Variants in DNAJC12 observed in about 807,000 individuals in gnomAD.
DNAJC12 encodes the protein DnaJ heat shock protein family (Hsp40) member C12, also known as dnaJ homolog subfamily C member 12.
Under a neutral mutation model 28.5 loss-of-function variants are expected in DNAJC12, and 25 were observed. The ratio of observed to expected loss-of-function variants is 0.88; its 90% CI spans 0.64 to 1.22. The LOEUF is 1.22. DNAJC12 is among the 50% of genes most tolerant of loss of function. DNAJC12 has a pLI of 0.00. For synonymous variants in DNAJC12, 77 were observed against 80.6 expected, an observed-to-expected ratio of 0.95 and a Z score of 0.24; for missense variants, 222 against 231.7, an observed-to-expected ratio of 0.96 and a Z score of 0.27.
chr10:67,835,717 GACACACACAC>G (rs34238470), intron 1 of DNAJC12, among the ~76,000 whole-genome samples: 5 of 118,952 alleles, frequency 4.2e-5, no homozygotes, highest in South Asian at 2.7e-4. Context: ...GAGAAAAAAT[GACACACACAC>G]ACACACACAC....
At chr10:67,831,538 G>A (rs1472055769) in intron 1 of DNAJC12, among the ~76,000 whole-genome samples, 2 of 152,038 alleles carry the variant, frequency 1.3e-5, no homozygotes, top group Non-Finnish European at 2.9e-5. Flanking sequence ...CAAATGCCCT[G>A]TCTCTCCCAC....
chr10:67,797,469 G>T (rs545870164), intron 4 of DNAJC12, among the ~76,000 whole-genome samples: 2 of 152,250 alleles, frequency 1.3e-5, no homozygotes, highest in African/African-American at 2.4e-5. Flanking sequence ...AGATGCCTCT[G>T]GTGGTGGGGA....
intron 1 of DNAJC12, among the ~76,000 whole-genome samples, chr10:67,826,754 T>G (rs181427197): frequency 0.58 from 49,857 of 85,472 alleles, 17,938 homozygotes; most frequent in Non-Finnish European, 0.78. Context: ...TATATCATTA[T>G]ATATCTGATA....
chr10:67,810,279 C>A (rs975426252), intron 3 of DNAJC12, among the ~76,000 whole-genome samples: 4 of 152,276 alleles, frequency 2.6e-5, no homozygotes, highest in African/African-American at 9.6e-5. Flanking sequence ...CCCATCAGGA[C>A]CCTCATCCAA....
intron 3 of DNAJC12, 72 bp from the exon 4 acceptor site, chr10:67,805,859 A>T (rs1445758113): frequency 1.6e-6 from 2 of 1,240,684 alleles, no homozygotes; most frequent in African/African-American, 3.1e-5. Flanking sequence ...AAAGTTTGAT[A>T]TGTGGTAACA....
At chr10:67,826,141 CTT>C (rs11341698) in intron 1 of DNAJC12, among the ~76,000 whole-genome samples, 11 of 143,644 alleles carry the variant, frequency 7.7e-5, no homozygotes, top group South Asian at 2.2e-4. Flanking sequence ...CTTTTTTTTT[CTT>C]TTTTTTTTTG....
At chr10:67,822,234 C>A (rs1841988038) in intron 2 of DNAJC12, among the ~76,000 whole-genome samples, 16 of 152,054 alleles carry the variant, frequency 1.1e-4, no homozygotes, top group Admixed American at 1.0e-3. Context: ...GAGAAAGCAG[C>A]CCAAAGAGGC....
At chr10:67,832,277 A>G (rs910146213) in intron 1 of DNAJC12, among the ~76,000 whole-genome samples, 3 of 151,610 alleles carry the variant, frequency 2.0e-5, no homozygotes, top group Admixed American at 6.6e-5. Flanking sequence ...AAAAAAAAAA[A>G]AAAAGAAAAG....
intron 2 of DNAJC12, among the ~76,000 whole-genome samples, chr10:67,818,963 T>C (rs1841943346): frequency 6.6e-6 from 1 of 152,216 alleles, no homozygotes; most frequent in African/African-American, 2.4e-5. Context: ...TCTAAATTTT[T>C]ATAATTTTAT....
intron 1 of DNAJC12, chr10:67,827,785 C>T (rs1413719594): frequency 6.6e-6 from 1 of 151,932 alleles, no homozygotes; most frequent in African/African-American, 2.4e-5. Flanking sequence ...TTATTTTCTT[C>T]TTTATATTTT....
chr10:67,819,467 C>T (rs1436658325), intron 2 of DNAJC12, among the ~76,000 whole-genome samples: 1 of 150,614 alleles, frequency 6.6e-6, no homozygotes, highest in African/African-American at 2.4e-5. Flanking sequence ...GGTGAAACCC[C>T]TTTTGCACCA....
Position 67,838,030 on chromosome 10 carries a change from CCTT to C in DNAJC12, c.-22_-20del, listed in dbSNP as rs775437179. ...CATCCATTTAGATGACTTAATCAGT[CCTT>C]CTTCCCTCGGAAACAAGAGGCACAG... On this transcript the variant is annotated 5_prime_UTR_variant, in exon 1 of 5. Transcript: ENST00000225171. The C allele has an allele frequency of 1.3e-5, 20 of 1,551,600 alleles. No homozygotes were observed. Among genetic ancestry groups the C allele is most frequent in the Middle Eastern group, 1.7e-4 (1 of 5,904 alleles).
intron 2 of DNAJC12, among the ~76,000 whole-genome samples, chr10:67,820,501 G>A (rs1036136243): frequency 2.0e-5 from 3 of 152,172 alleles, no homozygotes; most frequent in South Asian, 2.1e-4. Flanking sequence ...GGGTGCTGAA[G>A]ATGCTCCACA....
chr10:67,824,154 T>G (rs1165744652), intron 1 of DNAJC12, among the ~76,000 whole-genome samples: 1 of 151,682 alleles, frequency 6.6e-6, no homozygotes, highest in Non-Finnish European at 1.5e-5. Context: ...GAGAATCGCT[T>G]GAACCTGGGA....
At chr10:67,815,523 AAAAAGAAAAG>A (rs1841906948) in intron 2 of DNAJC12, among the ~76,000 whole-genome samples, 1 of 151,106 alleles carries the variant, frequency 6.6e-6, no homozygotes. Context: ...AAAAAAAAAA[AAAAAGAAAAG>A]AAAAAAAAAG....
intron 1 of DNAJC12, among the ~76,000 whole-genome samples, chr10:67,835,283 A>G (rs547043396): frequency 1.1e-4 from 16 of 152,326 alleles, no homozygotes; most frequent in African/African-American, 3.6e-4. Context: ...TAGAGCATCA[A>G]ATGAAGGAAT....
chr10:67,821,961 G>T (rs899240221), intron 2 of DNAJC12, among the ~76,000 whole-genome samples: 1 of 152,168 alleles, frequency 6.6e-6, no homozygotes, highest in Non-Finnish European at 1.5e-5. Flanking sequence ...GATTTCAGAG[G>T]AGGTGATAGG....
At chr10:67,804,078 C>T (rs528856970) in intron 4 of DNAJC12, among the ~76,000 whole-genome samples, 8 of 152,262 alleles carry the variant, frequency 5.3e-5, no homozygotes, top group East Asian at 1.9e-4. Flanking sequence ...TGTTCAGGAA[C>T]GTTCTGCTTA....
intron 2 of DNAJC12, among the ~76,000 whole-genome samples, chr10:67,815,631 T>C (rs1273590309): frequency 6.6e-6 from 1 of 152,150 alleles, no homozygotes; most frequent in Non-Finnish European, 1.5e-5. Context: ...CAAATCTTCC[T>C]GTTGCTGACG....
Sources: gnomAD v4.1 joint callset for allele counts (sites outside exome capture counted in the v4.1 genomes callset) on GRCh38, gnomAD v4.1.1 for gene constraint, MANE v1.5 for transcripts, NCBI Gene and HGNC (gene_info 2026-07-23, HGNC 2026-07-21) for gene names.